Variants in SKIDA1 observed in about 807,000 individuals in gnomAD.
The protein encoded by SKIDA1 is SKI/DACH domain-containing protein 1.
SKIDA1 carries 18 observed loss-of-function variants against 51.4 expected under a neutral mutation model. That is an observed-to-expected ratio of 0.35 (90% CI 0.24 to 0.52). SKIDA1 has a LOEUF of 0.52. SKIDA1 is among the 20% of genes least tolerant of loss of function. SKIDA1 has a pLI of 0.95. For synonymous variants in SKIDA1, 579 were observed against 500.5 expected, an observed-to-expected ratio of 1.16 and a Z score of -2.09; for missense variants, 1,104 against 1,180.6, an observed-to-expected ratio of 0.94 and a Z score of 0.95.
chr10:21,520,739 C>T (rs1267635653), intron 3 of SKIDA1, among the ~76,000 whole-genome samples: 1 of 151,836 alleles, frequency 6.6e-6, no homozygotes, highest in Admixed American at 6.6e-5. Context: ...CTCTTCCTCT[C>T]TTTCCACCTT....
intron 1 of SKIDA1, among the ~76,000 whole-genome samples, chr10:21,524,172 T>C (rs568664669): frequency 1.3e-5 from 2 of 152,190 alleles, no homozygotes; most frequent in South Asian, 4.1e-4. Flanking sequence ...AGTAAACGTC[T>C]CTTTTAAAGT....
At position 21,517,030 on chromosome 10, in the gene SKIDA1, C is replaced by T. The variant is rs1299563058; in HGVS notation, c.793G>A (p.Gly265Arg). 9.6e-7 allele frequency: 1 copy of T among 1,039,228 alleles called. No homozygotes were observed. Among genetic ancestry groups the T allele is most frequent in the Non-Finnish European group, 1.2e-6 (1 of 869,090 alleles). The allele number at this position is 1,039,228 out of a possible 1,614,324, so 64.4% of individuals were successfully genotyped here. A position where few individuals can be genotyped will look rare whatever the true frequency, so the allele number is the denominator to read the frequency against. The change falls in exon 4 of 4, where the codon GGG (glycine) becomes AGG (arginine). Residue 265 changes from glycine (G) to arginine (R), a missense_variant. By Grantham distance (125) the Gly-to-Arg change is moderately radical. This residue lies in a region of SKIDA1 where 938 missense variants were observed against 886.4 expected (regional missense o/e 1.06). Coordinates refer to ENST00000449193, the MANE Select transcript of SKIDA1 (RefSeq NM_207371.4). This position sits in a 1 kb window ranked among gnomAD's most constrained non-coding sequence, Gnocchi z 6.9. ...PKAAAGAGGPGSLSYRCKRKR... is the reference protein window; with the variant it reads ...PKAAAGAGGPRSLSYRCKRKR... ...CGCTTGCAGCGGTAGCTCAGGCTCC[C>T]CGGGCCTCCGGCGCCCGCCGCTGCC...
At chr10:21,525,414 G>C (rs1430661340) in intron 1 of SKIDA1, 133 bp downstream of exon 1, 1 of 152,174 alleles carries the variant, frequency 6.6e-6, no homozygotes, top group African/African-American at 2.4e-5. Flanking sequence ...AGTGCCTTCG[G>C]CATTATATAA....
rs1289554339 is a variant in SKIDA1, at chr10:21,517,287, G to A, written c.536C>T (p.Ser179Leu). ...LPQIFSKYPG[S>L]HYPEIVRSPC... is the part of the protein sequence containing the mutation. ...CGAGCGCACGATCTCCGGGTAGTGC[G>A]AGCCGGGGTATTTGCTAAAAATCTG... The change falls in exon 4 of 4, where the codon TCG becomes TTG. Residue 179 changes from serine to leucine, a missense_variant. Transcript: ENST00000449193. The surrounding 1 kb of genome is among the most constrained non-coding windows in gnomAD (Gnocchi z 6.9). The A allele has an allele frequency of 1.4e-6, 2 of 1,467,904 alleles. No homozygotes were observed. Among genetic ancestry groups the A allele is most frequent in the Non-Finnish European group, 1.8e-6 (2 of 1,107,348 alleles). 90.9% of individuals were successfully genotyped at this position (1,467,904 alleles called of 1,614,324 possible).
rs1229714450 is a variant in SKIDA1 at position 21,519,189 on chromosome 10, CTG to C, written c.-1369_-1368del. The C allele has an allele frequency of 6.0e-6, 1 of 167,072 alleles. No individual in the cohort carries two copies. The highest frequency in any genetic ancestry group is 2.4e-5 in the African/African-American group (1 of 41,430). The allele number at this position is 167,072 out of a possible 1,614,324, so 10.3% of individuals were successfully genotyped here. On this transcript the variant is annotated 5_prime_UTR_variant, in exon 4 of 4. Transcript: ENST00000449193. ...TTCCTTCTGCAGCAAAGAAAAGAAA[CTG>C]TCAAACGCCCAAGGTGCTTCCAGAG... is the stretch of plus-strand genomic sequence containing the variant.
Position 21,516,934 on chromosome 10 carries a change from T to G in SKIDA1, c.889A>C (p.Arg297=). The G allele has an allele frequency of 8.9e-7, 1 of 1,124,348 alleles. No individual in the cohort carries two copies. The highest frequency in any genetic ancestry group is 1.1e-6 in the Non-Finnish European group (1 of 921,654). The allele number at this position is 1,124,348 out of a possible 1,614,324, so 69.6% of individuals were successfully genotyped here. The change falls in exon 4 of 4, where the codon AGG becomes CGG. Residue 297 remains arginine (R), a synonymous_variant. Coordinates refer to ENST00000449193, the MANE Select transcript of SKIDA1 (RefSeq NM_207371.4). The surrounding 1 kb of genome is among the most constrained non-coding windows in gnomAD (Gnocchi z 5.7). ...GCCGCCGCCTTGGCTTTGTAGGACC[T>G]GGGCAACAGCAGCAGGCGCCGCGCG... is the stretch of plus-strand genomic sequence containing the variant. The part of the protein sequence containing the change: ...AGARRLLLLP[R]SYKAKAAAAA...
Position 21,515,518 on chromosome 10 carries a change from C to T in SKIDA1, c.2305G>A (p.Gly769Arg), listed in dbSNP as rs1466236540. The T allele has an allele frequency of 2.5e-6, 4 of 1,613,898 alleles. No homozygotes were observed. The African/African-American group carries it at 4.0e-5, about 16-fold the overall frequency. ...ACCCTGGCACCAAATTTATATTCCC[C>T]ATCCTCAGGTTTTGGAGAACCTAAA... ...CTLGSPKPED[G>R]EYKFGARVRK... The change falls in exon 4 of 4, where the codon GGG (glycine) becomes AGG (arginine). Residue 769 changes from glycine (G) to arginine (R), a missense_variant. Transcript: ENST00000449193.
At chr10:21,521,525 A>C (rs1417651941) in intron 2 of SKIDA1, 45 bp from the exon 3 acceptor site, 1 of 152,598 alleles carries the variant, frequency 6.6e-6, no homozygotes, top group African/African-American at 2.4e-5. Flanking sequence ...ACTGTATTCA[A>C]ATTTTTTTAA....
chr10:21,523,235 G>C (rs934728713), intron 2 of SKIDA1, among the ~76,000 whole-genome samples: 10 of 152,148 alleles, frequency 6.6e-5, no homozygotes, highest in African/African-American at 2.4e-4. Flanking sequence ...GGGAGGAAAA[G>C]AAAGGAGTGA....
rs1312582071 is a variant in SKIDA1 at position 21,514,439 on chromosome 10, A to G, written c.*657T>C. 4 of 151,548 alleles carry G rather than the reference A, an allele frequency of 2.6e-5. No individual in the cohort carries two copies. Among genetic ancestry groups the G allele is most frequent in the Non-Finnish European group, 5.9e-5 (4 of 67,874 alleles). 9.4% of individuals were successfully genotyped at this position (151,548 alleles called of 1,614,324 possible). On this transcript the variant is annotated 3_prime_UTR_variant, in exon 4 of 4. Transcript: ENST00000449193. ...TCCGTATTTATTTTACTCAGTATGT[A>G]TGAGGCAGCTTTTACTAGCATTTAA...
At position 21,518,758 on chromosome 10, in the gene SKIDA1, T is replaced by C. The variant is rs1403433046; in HGVS notation, c.-936A>G. On this transcript the variant is annotated 5_prime_UTR_variant, in exon 4 of 4. Coordinates refer to ENST00000449193, the MANE Select transcript of SKIDA1 (RefSeq NM_207371.4). Reference sequence around the variant, plus strand: ...TAGCCTGGTATTTCCCTTACAGGAGTGGGGAAGGAGACCGGCTGGGAGCTC... The same window carrying C: ...TAGCCTGGTATTTCCCTTACAGGAGCGGGGAAGGAGACCGGCTGGGAGCTC... 1 of 165,134 alleles carries C rather than the reference T, an allele frequency of 6.1e-6. No homozygotes were observed. The highest frequency in any genetic ancestry group is 2.5e-5 in the African/African-American group (1 of 40,760). The allele number at this position is 165,134 out of a possible 1,614,324, so 10.2% of individuals were successfully genotyped here.
chr10:21,517,864 A>T lies in SKIDA1; in HGVS notation c.-42T>A. On this transcript the variant is annotated 5_prime_UTR_variant, in exon 4 of 4. Coordinates refer to ENST00000449193, the MANE Select transcript of SKIDA1 (RefSeq NM_207371.4). The surrounding 1 kb of genome is among the most constrained non-coding windows in gnomAD (Gnocchi z 6.9). ...TCCCCACCATTTGCAGTAAATATAT[A>T]CGTGACGCATACATACACATGTATG... 1 of 1,528,688 alleles carries T rather than the reference A, an allele frequency of 6.5e-7. No individual in the cohort carries two copies. The highest frequency in any genetic ancestry group is 8.9e-7 in the Non-Finnish European group (1 of 1,126,286). 94.7% of individuals were successfully genotyped at this position (1,528,688 alleles called of 1,614,324 possible).
rs2032251932 is a variant in SKIDA1 at position 21,517,050 on chromosome 10, G to A, written c.773C>T (p.Ala258Val). 9.9e-7 allele frequency: 1 copy of A among 1,011,058 alleles called. No individual in the cohort carries two copies. The highest frequency in any genetic ancestry group is 4.2e-5 in the South Asian group (1 of 23,594). The allele number at this position is 1,011,058 out of a possible 1,614,324, so 62.6% of individuals were successfully genotyped here. A position where few individuals can be genotyped will look rare whatever the true frequency, so the allele number is the denominator to read the frequency against. The change falls in exon 4 of 4, where the codon GCG becomes GTG. Residue 258 changes from alanine to valine, a missense_variant. This residue lies in a region of SKIDA1 where 938 missense variants were observed against 886.4 expected (regional missense o/e 1.06). Transcript: ENST00000449193. This position sits in a 1 kb window ranked among gnomAD's most constrained non-coding sequence, Gnocchi z 6.9. ...GCTCCCCGGGCCTCCGGCGCCCGCC[G>A]CTGCCTTGGGCTGGGGCCCGGCCGC... ...VSAAGPQPKAAAGAGGPGSLS... is the reference protein window; with the variant it reads ...VSAAGPQPKAVAGAGGPGSLS...
Position 21,517,863 on chromosome 10 carries a change from T to C in SKIDA1, c.-41A>G. On this transcript the variant is annotated 5_prime_UTR_variant, in exon 4 of 4. Transcript: ENST00000449193. This position sits in a 1 kb window ranked among gnomAD's most constrained non-coding sequence, Gnocchi z 6.9. ...ATCCCCACCATTTGCAGTAAATATA[T>C]ACGTGACGCATACATACACATGTAT... The C allele has an allele frequency of 6.5e-7, 1 of 1,533,650 alleles. No individual in the cohort carries two copies. Among genetic ancestry groups the C allele is most frequent in the South Asian group, 1.2e-5 (1 of 81,224 alleles).
chr10:21,517,230 G>A lies in SKIDA1; in HGVS notation c.593C>T (p.Ala198Val). Residue 198 changes from alanine to valine, a missense_variant, in exon 4 of 4, where the codon GCC (alanine) becomes GTC (valine). This residue lies in a region of SKIDA1 where 938 missense variants were observed against 886.4 expected (regional missense o/e 1.06). Transcript: ENST00000449193. This position sits in a 1 kb window ranked among gnomAD's most constrained non-coding sequence, Gnocchi z 6.9. ...PCKPPLNYET[A>V]PLQGNYVAFP... is the part of the protein sequence containing the mutation. Reference sequence around the variant, plus strand: ...GGCGACGTAGTTTCCCTGGAGCGGGGCAGTTTCATAGTTTAGAGGGGGTTT... The same window carrying A: ...GGCGACGTAGTTTCCCTGGAGCGGGACAGTTTCATAGTTTAGAGGGGGTTT... The A allele has an allele frequency of 1.4e-6, 2 of 1,464,930 alleles. No individual in the cohort carries two copies. The highest frequency in any genetic ancestry group is 9.1e-7 in the Non-Finnish European group (1 of 1,103,712). 90.7% of individuals were successfully genotyped at this position (1,464,930 alleles called of 1,614,324 possible).
rs1482220663 is a variant in SKIDA1 at position 21,516,973 on chromosome 10, C to G, written c.850G>C (p.Ala284Pro). 6.9e-6 allele frequency: 8 copies of G among 1,162,576 alleles called. No homozygotes were observed. Among genetic ancestry groups the G allele is most frequent in the Non-Finnish European group, 3.2e-6 (3 of 939,310 alleles). The allele number at this position is 1,162,576 out of a possible 1,614,324, so 72.0% of individuals were successfully genotyped here. Residue 284 changes from alanine to proline, a missense_variant, in exon 4 of 4, where the codon GCG becomes CCG. Physicochemically the swap from Ala to Pro is conservative, Grantham distance 27. Transcript: ENST00000449193. This position sits in a 1 kb window ranked among gnomAD's most constrained non-coding sequence, Gnocchi z 5.7. ...AGGCGCCGCGCGCCGGCGTGAGGCG[C>G]GAGCAGGCAGTCCTTGGCGCCGCCG... ...KRGGAKDCLL[A>P]PHAGARRLLL...
rs1200605792 is a variant in SKIDA1, at chr10:21,517,472, C to T, written c.351G>A (p.Pro117=). 3.9e-6 allele frequency: 6 copies of T among 1,527,920 alleles called. No homozygotes were observed. In the East Asian group the frequency reaches 1.2e-4, roughly 31 times the overall value. The allele number at this position is 1,527,920 out of a possible 1,614,324, so 94.6% of individuals were successfully genotyped here. A position where few individuals can be genotyped will look rare whatever the true frequency, so the allele number is the denominator to read the frequency against. ...RVGRALATKA[P]PPERAAAASP... ...TGGCGGCAGCGGCGCGCTCTGGCGG[C>T]GGCGCCTTTGTGGCCAGGGCCCGGC... is the stretch of plus-strand genomic sequence containing the variant. Residue 117 remains proline (P), a synonymous_variant, in exon 4 of 4, where the codon CCG becomes CCA. Transcript: ENST00000449193. The surrounding 1 kb of genome is among the most constrained non-coding windows in gnomAD (Gnocchi z 6.9).
rs1035525388 is a variant in SKIDA1, at chr10:21,515,303, C to T, written c.2520G>A (p.Val840=). 4.3e-6 allele frequency: 7 copies of T among 1,613,998 alleles called. No individual in the cohort carries two copies. The highest frequency in any genetic ancestry group is 5.9e-6 in the Non-Finnish European group (7 of 1,179,884). The change falls in exon 4 of 4, where the codon GTG becomes GTA. Residue 840 remains valine, a synonymous_variant. Coordinates refer to ENST00000449193, the MANE Select transcript of SKIDA1 (RefSeq NM_207371.4). ...TTGCCATGAAATGAAATGGCCTTTT[C>T]ACTGCTGATGCTACATTGCTGGCTA... The part of the protein sequence containing the change: ...KKVASNVASA[V]KRPFHFMANF...
At position 21,517,503 on chromosome 10, in the gene SKIDA1, C is replaced by A. The variant is rs2032281383; in HGVS notation, c.320G>T (p.Arg107Leu). 1 of 1,558,116 alleles carries A rather than the reference C, an allele frequency of 6.4e-7. No individual in the cohort carries two copies. The highest frequency in any genetic ancestry group is 8.7e-7 in the Non-Finnish European group (1 of 1,151,200). ...CTTTGTGGCCAGGGCCCGGCCGACC[C>A]GCCTGCGCTTGGTCTTGAGGACGCG... ...TERVLKTKRR[R>L]VGRALATKAP... The change falls in exon 4 of 4, where the codon CGG becomes CTG. Residue 107 changes from arginine to leucine, a missense_variant. Arg to Leu is a moderately radical substitution (Grantham distance 102). Coordinates refer to ENST00000449193, the MANE Select transcript of SKIDA1 (RefSeq NM_207371.4). This position sits in a 1 kb window ranked among gnomAD's most constrained non-coding sequence, Gnocchi z 6.9.
Sources: gnomAD v4.1 joint callset for allele counts (sites outside exome capture counted in the v4.1 genomes callset) on GRCh38, gnomAD v4.1.1 for gene constraint, gnomAD v4.1.1 regional missense constraint, Gnocchi (gnomAD v3.1) non-coding constraint, MANE v1.5 for transcripts, NCBI Gene and HGNC (gene_info 2026-07-23, HGNC 2026-07-21) for gene names.